The following TAFA5 variants were observed in gnomAD, a reference collection of about 807,000 sequenced individuals.
TAFA5 encodes the protein TAFA chemokine like family member 5.
Under a neutral mutation model 15.3 loss-of-function variants are expected in TAFA5, and 6 were observed. The ratio of observed to expected loss-of-function variants is 0.39; its 90% confidence interval spans 0.21 to 0.77. The LOEUF (loss-of-function observed/expected upper bound fraction) is 0.77, where lower values mean the gene tolerates loss of function less well. Among genes scored for constraint, TAFA5 ranks in the 30% least tolerant of loss-of-function variants. The pLI is 0.41. For missense variants in TAFA5, 161 were observed against 193.1 expected (o/e 0.83, Z 0.98); for synonymous variants, 103 against 80.7 (o/e 1.28, Z -1.48).
At chr22:48,702,755 C>T (rs2147247470) in intron 2 of TAFA5, among the ~76,000 whole-genome samples, 1 of 152,334 alleles carries the variant, frequency 6.6e-6, no homozygotes, top group Middle Eastern at 3.4e-3. Flanking sequence ...GCCTCCTCAC[C>T]CGAGCCCGGG....
intron 1 of TAFA5, among the ~76,000 whole-genome samples, chr22:48,587,273 C>T (rs1479500362): frequency 6.6e-6 from 1 of 152,160 alleles, no homozygotes; most frequent in Non-Finnish European, 1.5e-5. Context: ...GTCTGCACAC[C>T]TAGGTTCATC....
chr22:48,536,154 T>C (rs1241243356), intron 1 of TAFA5, among the ~76,000 whole-genome samples: 3 of 152,230 alleles, frequency 2.0e-5, no homozygotes, highest in African/African-American at 7.2e-5. Flanking sequence ...CATATGTAGG[T>C]GTGGGTCTCT....
chr22:48,745,032 G>A (rs111676730), intron 3 of TAFA5, among the ~76,000 whole-genome samples: 5 of 152,132 alleles, frequency 3.3e-5, no homozygotes, highest in South Asian at 2.1e-4. Flanking sequence ...CTGGGATTAC[G>A]GGCGTGAGCC....
In TAFA5 at chr22:48,707,880, G is replaced by A. The variant is rs775944566; in HGVS notation, c.390+36G>A. The stretch of plus-strand genomic sequence containing the variant: ...CTCGGCTTTCTCGTGGGTGTGCTGG[G>A]GAGGGGGTATGTGTGTGCGGGCCTC... On this transcript the variant is annotated intron_variant, in intron 3 of 3. Coordinates refer to ENST00000402357, the MANE Select transcript of TAFA5 (RefSeq NM_001082967.3). The A allele has an allele frequency of 1.9e-6, 3 of 1,603,010 alleles. No homozygotes were observed. The South Asian group carries it at 3.3e-5, about 18-fold the overall frequency.
rs1284511506 is a variant in TAFA5, at chr22:48,750,303, T to C, written c.*456T>C. On this transcript the variant is annotated 3_prime_UTR_variant, in exon 4 of 4. Coordinates refer to ENST00000402357, the MANE Select transcript of TAFA5 (RefSeq NM_001082967.3). Reference sequence around the variant, plus strand: ...TGTCCGAATTGCTTTTATTTTCTTATACTTTCAGTATACTCCATAGACCAA... The same window carrying C: ...TGTCCGAATTGCTTTTATTTTCTTACACTTTCAGTATACTCCATAGACCAA... The C allele has an allele frequency of 2.2e-5, 4 of 183,182 alleles. No homozygotes were observed. The highest frequency in any genetic ancestry group is 3.4e-5 in the Non-Finnish European group (3 of 87,578). 11.3% of individuals were successfully genotyped at this position (183,182 alleles called of 1,614,324 possible). A position where few individuals can be genotyped will look rare whatever the true frequency, so the allele number is the denominator to read the frequency against.
At chr22:48,633,203 G>A (rs1211249474) in intron 1 of TAFA5, among the ~76,000 whole-genome samples, 1 of 152,178 alleles carries the variant, frequency 6.6e-6, no homozygotes. Context: ...TGAACCCCAC[G>A]ACCTTTGCGG....
chr22:48,513,963 A>G (rs1231679059), intron 1 of TAFA5, among the ~76,000 whole-genome samples: 1 of 151,094 alleles, frequency 6.6e-6, no homozygotes, highest in African/African-American at 2.4e-5. Flanking sequence ...TCCTCAGAAG[A>G]CCCTTCCTCC....
chr22:48,595,121 G>A (rs1183953113), intron 1 of TAFA5, among the ~76,000 whole-genome samples: 3 of 152,182 alleles, frequency 2.0e-5, no homozygotes, highest in African/African-American at 4.8e-5. Flanking sequence ...GCCCCTGAGT[G>A]TGGCCCTGCT....
intron 1 of TAFA5, among the ~76,000 whole-genome samples, chr22:48,515,718 G>C (rs943888130): frequency 2.0e-5 from 3 of 152,218 alleles, no homozygotes; most frequent in Admixed American, 2.0e-4. Flanking sequence ...GGCTCCAGGC[G>C]GGACGGGGAG....
rs1000969165 is a variant in TAFA5 at position 48,503,751 on chromosome 22, G to A, written c.112+14047G>A. Among the ~76,000 whole-genome samples the A allele has an allele frequency of 4.6e-5, 7 of 152,232 alleles. No individual in the cohort carries two copies. The East Asian group carries it at 7.7e-4, about 17-fold the overall frequency. ...CTCAGATGAAAAAGAAAGTGTTTTCGAACACGGGAGAAGCTCTAAAAGTCC... is the reference window on the plus strand; with the variant it reads ...CTCAGATGAAAAAGAAAGTGTTTTCAAACACGGGAGAAGCTCTAAAAGTCC... On this transcript the variant is annotated intron_variant, in intron 1 of 3. Transcript: ENST00000402357.
At chr22:48,572,630 T>C (rs991223668) in intron 1 of TAFA5, among the ~76,000 whole-genome samples, 3 of 152,166 alleles carry the variant, frequency 2.0e-5, no homozygotes, top group East Asian at 1.9e-4. Context: ...ATGGGCCTGT[T>C]TGGAAGTCTG....
chr22:48,639,951 C>T lies in TAFA5; in HGVS notation c.113-6646C>T, dbSNP rs567534101. ...AATCGTGACCGCACCCCCCCAACCC[C>T]GCCGCCCAAGGCCTGTGGCATCAGC... is the stretch of plus-strand genomic sequence containing the variant. On this transcript the variant is annotated intron_variant, in intron 1 of 3. Transcript: ENST00000402357. 9.2e-5 allele frequency among the ~76,000 whole-genome samples: 14 copies of T among 152,286 alleles called. No individual in the cohort carries two copies. The East Asian group carries it at 9.7e-4, about 11-fold the overall frequency.
rs1012382354 is a variant in TAFA5 at position 48,750,334 on chromosome 22, A to G, written c.*487A>G. On this transcript the variant is annotated 3_prime_UTR_variant, in exon 4 of 4. Coordinates refer to ENST00000402357, the MANE Select transcript of TAFA5 (RefSeq NM_001082967.3). Reference sequence around the variant, plus strand: ...CAGTATACTCCATAGACCAAAGAGCAAAATCTATCTGAACCTGGACGCACC... The same window carrying G: ...CAGTATACTCCATAGACCAAAGAGCGAAATCTATCTGAACCTGGACGCACC... 1 of 156,608 alleles carries G rather than the reference A, an allele frequency of 6.4e-6. No individual in the cohort carries two copies. Among genetic ancestry groups the G allele is most frequent in the Non-Finnish European group, 1.4e-5 (1 of 70,840 alleles). 9.7% of individuals were successfully genotyped at this position (156,608 alleles called of 1,614,324 possible).
At position 48,550,259 on chromosome 22, in the gene TAFA5, C is replaced by G. The variant is rs1220239485; in HGVS notation, c.112+60555C>G. On this transcript the variant is annotated intron_variant, in intron 1 of 3. Transcript: ENST00000402357. The surrounding 1 kb of genome is among the most constrained non-coding windows in gnomAD (Gnocchi z 4.1). ...TCCAGGGCCTGGGCAGATGGCGCATCTGGCCGGGATAAGGTGTAGGCCTGG... is the reference window on the plus strand; with the variant it reads ...TCCAGGGCCTGGGCAGATGGCGCATGTGGCCGGGATAAGGTGTAGGCCTGG... Among the ~76,000 whole-genome samples, 1 of 152,218 alleles carries G rather than the reference C, an allele frequency of 6.6e-6. No homozygotes were observed. Among genetic ancestry groups the G allele is most frequent in the Non-Finnish European group, 1.5e-5 (1 of 68,042 alleles).
At chr22:48,624,589 G>A (rs922001187) in intron 1 of TAFA5, among the ~76,000 whole-genome samples, 5 of 152,132 alleles carry the variant, frequency 3.3e-5, no homozygotes, top group African/African-American at 7.2e-5. Context: ...TTTATTTACC[G>A]GGTTGCCAGG....
At chr22:48,600,169 C>A (rs1924913263) in intron 1 of TAFA5, among the ~76,000 whole-genome samples, 1 of 152,184 alleles carries the variant, frequency 6.6e-6, no homozygotes, top group Admixed American at 6.5e-5. Flanking sequence ...CCGAGATCTC[C>A]CCTGTGTCAG....
chr22:48,528,932 A>G (rs1434789863), intron 1 of TAFA5, among the ~76,000 whole-genome samples: 1 of 152,126 alleles, frequency 6.6e-6, no homozygotes, highest in Non-Finnish European at 1.5e-5. Flanking sequence ...CAGGGAGACA[A>G]TGAGGGGGTA....
chr22:48,620,144 G>A (rs536838628), intron 1 of TAFA5, among the ~76,000 whole-genome samples: 16 of 152,238 alleles, frequency 1.1e-4, no homozygotes, highest in South Asian at 2.1e-4. Flanking sequence ...TGGGATGGGG[G>A]CAGGGTGGGG....
At chr22:48,665,218 T>G (rs1438425439) in intron 2 of TAFA5, among the ~76,000 whole-genome samples, 1 of 152,216 alleles carries the variant, frequency 6.6e-6, no homozygotes, top group Non-Finnish European at 1.5e-5. Context: ...CTGCTTTTTA[T>G]GAAGTGTTCA....
Sources: gnomAD v4.1 joint callset for allele counts (sites outside exome capture counted in the v4.1 genomes callset) on GRCh38, gnomAD v4.1.1 for gene constraint, Gnocchi (gnomAD v3.1) non-coding constraint, MANE v1.5 for transcripts, NCBI Gene and HGNC (gene_info 2026-07-23, HGNC 2026-07-21) for gene names.